NOS1AP: variants seen among roughly 807,000 people sequenced by gnomAD.
The protein encoded by NOS1AP is carboxyl-terminal PDZ ligand of neuronal nitric oxide synthase protein.
NOS1AP carries 21 observed loss-of-function variants against 56.2 expected under a neutral mutation model. The observed-to-expected ratio is 0.37, with a 90% CI of 0.26 to 0.54. NOS1AP has a LOEUF of 0.54. Among genes scored for constraint, NOS1AP ranks in the 20% least tolerant of loss-of-function variants. NOS1AP has a pLI of 0.84. For missense variants in NOS1AP, 522 were observed against 657.8 expected, an observed-to-expected ratio of 0.79 and a Z score of 2.26; for synonymous variants, 270 against 274.6, an observed-to-expected ratio of 0.98 and a Z score of 0.17.
intron 1 of NOS1AP, among the ~76,000 whole-genome samples, chr1:162,101,390 T>G (rs1044531016): frequency 1.3e-5 from 2 of 152,214 alleles, no homozygotes; most frequent in East Asian, 3.9e-4. Flanking sequence ...TTGTTATTGT[T>G]GTTTAGGATT....
intron 8 of NOS1AP, chr1:162,364,631 C>T: frequency 5.1e-6 from 5 of 985,506 alleles, no homozygotes; most frequent in Non-Finnish European, 6.0e-6. Flanking sequence ...ACAAATTGTT[C>T]ACCTCAGCCC....
intron 5 of NOS1AP, among the ~76,000 whole-genome samples, chr1:162,334,513 G>C (rs1246925549): frequency 6.6e-6 from 1 of 152,218 alleles, no homozygotes; most frequent in Non-Finnish European, 1.5e-5. Flanking sequence ...GTGGCCTTGT[G>C]TAGGGGACCT....
At chr1:162,097,880 G>A (rs1692283148) in intron 1 of NOS1AP, among the ~76,000 whole-genome samples, 1 of 151,440 alleles carries the variant, frequency 6.6e-6, no homozygotes, top group South Asian at 2.1e-4. Flanking sequence ...CTTTAAAATA[G>A]GTATATTTAT....
At chr1:162,074,032 A>G (rs145833906) in intron 1 of NOS1AP, among the ~76,000 whole-genome samples, 21 of 152,340 alleles carry the variant, frequency 1.4e-4, no homozygotes, top group African/African-American at 5.1e-4. Flanking sequence ...AAGGATAATA[A>G]GAGTATTAAT....
chr1:162,278,149 T>A (rs999330949), intron 2 of NOS1AP, among the ~76,000 whole-genome samples: 6 of 152,230 alleles, frequency 3.9e-5, no homozygotes, highest in Non-Finnish European at 8.8e-5. Context: ...CCAAATGCCT[T>A]CATTTCTATG....
rs141482775 is a variant in NOS1AP at position 162,152,844 on chromosome 1, A to G, written c.106-1561A>G. Among the ~76,000 whole-genome samples the G allele has an allele frequency of 6.0e-3, 921 of 152,326 alleles. 2 individuals carry two copies. Among genetic ancestry groups the G allele is most frequent in the African/African-American group, 7.0e-3 (291 of 41,574 alleles). On this transcript the variant is annotated intron_variant, in intron 1 of 9. Transcript: ENST00000361897. The stretch of plus-strand genomic sequence containing the variant: ...CTTGCTTTTCCCGTAACTACAGGAC[A>G]TCCCTTTCCCGCACAGATGTCGCAG...
intron 1 of NOS1AP, among the ~76,000 whole-genome samples, chr1:162,082,005 G>A (rs929670819): frequency 6.6e-6 from 1 of 151,380 alleles, no homozygotes; most frequent in African/African-American, 2.4e-5. Flanking sequence ...TGAGTCATGG[G>A]GGTTTGTTGT....
At chr1:162,156,767 T>C (rs1649992949) in intron 2 of NOS1AP, among the ~76,000 whole-genome samples, 1 of 152,166 alleles carries the variant, frequency 6.6e-6, no homozygotes, top group African/African-American at 2.4e-5. Flanking sequence ...TATTTTATTA[T>C]TTTATTTATT....
At chr1:162,128,070 T>G (rs1329429363) in intron 1 of NOS1AP, among the ~76,000 whole-genome samples, 1 of 152,240 alleles carries the variant, frequency 6.6e-6, no homozygotes, top group African/African-American at 2.4e-5. Flanking sequence ...GATTTTGAAG[T>G]ATAGCAAGAT....
At chr1:162,134,505 A>AT (rs1648900864) in intron 1 of NOS1AP, among the ~76,000 whole-genome samples, 1 of 149,868 alleles carries the variant, frequency 6.7e-6, no homozygotes, top group Non-Finnish European at 1.5e-5. Flanking sequence ...AAAAAAAAAA[A>AT]GTAAAACCGT....
intron 1 of NOS1AP, among the ~76,000 whole-genome samples, chr1:162,128,849 A>G (rs1303711490): frequency 6.6e-6 from 1 of 152,166 alleles, no homozygotes; most frequent in African/African-American, 2.4e-5. Flanking sequence ...ACCACTGGGG[A>G]TCAGTTGCTG....
intron 1 of NOS1AP, among the ~76,000 whole-genome samples, chr1:162,093,989 C>T (rs1692186060): frequency 6.6e-6 from 1 of 152,186 alleles, no homozygotes; most frequent in South Asian, 2.1e-4. Context: ...TCTAATGTTC[C>T]TTCTGGCAGC....
chr1:162,354,571 C>T (rs1657630951), intron 6 of NOS1AP, among the ~76,000 whole-genome samples: 1 of 152,218 alleles, frequency 6.6e-6, no homozygotes, highest in African/African-American at 2.4e-5. Flanking sequence ...CTCCTCCTCC[C>T]CGTGCCACTT....
intron 2 of NOS1AP, among the ~76,000 whole-genome samples, chr1:162,226,018 G>A (rs1557839558): frequency 1.3e-5 from 2 of 152,214 alleles, no homozygotes; most frequent in Non-Finnish European, 2.9e-5. Context: ...TATTGGCTGG[G>A]CGTGGTGGCT....
intron 4 of NOS1AP, among the ~76,000 whole-genome samples, chr1:162,306,154 T>A (rs1655818526): frequency 6.6e-6 from 1 of 152,156 alleles, no homozygotes. Flanking sequence ...TGAGTCAGAA[T>A]GTGCAGGAAG....
intron 2 of NOS1AP, among the ~76,000 whole-genome samples, chr1:162,167,892 A>T (rs961322047): frequency 2.0e-5 from 3 of 152,058 alleles, no homozygotes; most frequent in Non-Finnish European, 4.4e-5. Flanking sequence ...CAGAGGTATT[A>T]ATCTAAAAGC....
At chr1:162,282,326 T>C (rs1413175259) in intron 2 of NOS1AP, among the ~76,000 whole-genome samples, 1 of 152,190 alleles carries the variant, frequency 6.6e-6, no homozygotes, top group African/African-American at 2.4e-5. Flanking sequence ...ATAAGTGGAA[T>C]CATAGAATAT....
At chr1:162,273,512 G>A (rs1654649809) in intron 2 of NOS1AP, among the ~76,000 whole-genome samples, 1 of 152,118 alleles carries the variant, frequency 6.6e-6, no homozygotes, top group Admixed American at 6.5e-5. Flanking sequence ...AATTGTCTCT[G>A]TGCTTTGCAC....
chr1:162,143,595 C>T (rs780214999), intron 1 of NOS1AP, among the ~76,000 whole-genome samples: 2 of 152,162 alleles, frequency 1.3e-5, no homozygotes, highest in Admixed American at 1.3e-4. Context: ...GCTGGCACTA[C>T]AAGCGTGTAC....
Sources: allele counts gnomAD v4.1 joint callset (sites outside exome capture counted in the v4.1 genomes callset), GRCh38; gene constraint gnomAD v4.1.1; transcripts MANE v1.5; gene names NCBI Gene and HGNC (gene_info 2026-07-23, HGNC 2026-07-21).